The following CGGBP1 variants were observed in gnomAD, a reference collection of about 807,000 sequenced individuals.
CGGBP1 encodes CGG triplet repeat-binding protein 1.
Under a neutral mutation model 11.4 loss-of-function variants are expected in CGGBP1, and 4 were observed. That is an observed-to-expected ratio of 0.35 (90% confidence interval 0.17 to 0.80). The LOEUF (loss-of-function observed/expected upper bound fraction) is 0.80, where lower values mean the gene tolerates loss of function less well. Ranked by LOEUF, CGGBP1 falls within the 30% of genes least tolerant of loss-of-function variation. CGGBP1 has a pLI of 0.52. For synonymous variants in CGGBP1, 76 were observed against 74.1 expected (o/e 1.03, Z -0.13); for missense variants, 135 against 202.1 (o/e 0.67, Z 2.01).
chr3:88,075,443 GTAT>G (rs1403717492), intron 2 of CGGBP1, among the ~76,000 whole-genome samples: 1 of 152,084 alleles, frequency 6.6e-6, no homozygotes, highest in African/African-American at 2.4e-5. Flanking sequence ...CCTCATATTT[GTAT>G]TATTTGGATA....
chr3:88,117,021 T>C (rs1162734924), intron 2 of CGGBP1, among the ~76,000 whole-genome samples: 1 of 152,164 alleles, frequency 6.6e-6, no homozygotes, highest in Non-Finnish European at 1.5e-5. Context: ...TGTTACGTTT[T>C]TGCTGAGGTT....
At chr3:88,130,067 A>C (rs1369827746) in intron 2 of CGGBP1, among the ~76,000 whole-genome samples, 1 of 152,220 alleles carries the variant, frequency 6.6e-6, no homozygotes, top group Non-Finnish European at 1.5e-5. Flanking sequence ...GTGGTTTGAA[A>C]TTAAATTTTA....
At chr3:88,070,940 A>C (rs1707476455) in intron 2 of CGGBP1, among the ~76,000 whole-genome samples, 1 of 152,152 alleles carries the variant, frequency 6.6e-6, no homozygotes, top group Non-Finnish European at 1.5e-5. Flanking sequence ...ATATTATCCA[A>C]ATTTAATATA....
chr3:88,066,144 G>C (rs1314447583), intron 2 of CGGBP1, among the ~76,000 whole-genome samples: 1 of 152,150 alleles, frequency 6.6e-6, no homozygotes, highest in Non-Finnish European at 1.5e-5. Context: ...AAATGAATTG[G>C]TTAAATAAAC....
At chr3:88,123,960 C>T (rs929069291) in intron 2 of CGGBP1, among the ~76,000 whole-genome samples, 1 of 152,042 alleles carries the variant, frequency 6.6e-6, no homozygotes, top group African/African-American at 2.4e-5. Context: ...GAAGCTGTTC[C>T]CAAGAATCAT....
At chr3:88,105,123 A>C (rs1323155966) in intron 2 of CGGBP1, among the ~76,000 whole-genome samples, 1 of 152,246 alleles carries the variant, frequency 6.6e-6, no homozygotes, top group Non-Finnish European at 1.5e-5. Context: ...TGAGCAAGAG[A>C]GCAAGACTCC....
chr3:88,113,890 T>G (rs188797470), intron 2 of CGGBP1, among the ~76,000 whole-genome samples: 13 of 152,314 alleles, frequency 8.5e-5, no homozygotes, highest in Admixed American at 7.8e-4. Context: ...AGGTACGTTA[T>G]ATTGAACATT....
At chr3:88,057,757 T>G (rs774755766) in intron 2 of CGGBP1, 3 of 152,268 alleles carry the variant, frequency 2.0e-5, no homozygotes, top group Non-Finnish European at 4.4e-5. Context: ...CAATCATTTG[T>G]GCTAATGTGA....
At chr3:88,092,712 TTA>T (rs1304565941) in intron 2 of CGGBP1, among the ~76,000 whole-genome samples, 3 of 152,316 alleles carry the variant, frequency 2.0e-5, no homozygotes, top group East Asian at 1.9e-4. Context: ...TTTAAGGAGA[TTA>T]TGTCTTTTAT....
At chr3:88,115,004 C>G (rs1469453501) in intron 2 of CGGBP1, among the ~76,000 whole-genome samples, 1 of 152,196 alleles carries the variant, frequency 6.6e-6, no homozygotes, top group Non-Finnish European at 1.5e-5. Context: ...CGCAGTGGTT[C>G]TTCTCCATAC....
chr3:88,120,625 A>T (rs1705708906), intron 2 of CGGBP1, among the ~76,000 whole-genome samples: 2 of 152,122 alleles, frequency 1.3e-5, no homozygotes, highest in African/African-American at 4.8e-5. Context: ...AATACCTAAG[A>T]CCAGGGTCTC....
intron 2 of CGGBP1, among the ~76,000 whole-genome samples, chr3:88,122,286 A>G (rs1394691422): frequency 1.3e-5 from 2 of 152,204 alleles, no homozygotes; most frequent in African/African-American, 4.8e-5. Context: ...AGAAAAGAAT[A>G]CATGATGTGC....
At position 88,054,813 on chromosome 3, in the gene CGGBP1, T is replaced by C. The variant is rs1223683447; in HGVS notation, c.*660A>G. On this transcript the variant is annotated 3_prime_UTR_variant, in exon 4 of 4. Coordinates refer to ENST00000482016, the MANE Select transcript of CGGBP1 (RefSeq NM_001008390.2). ...GCAAAATTCCCCTTGGCTTTTGGCA[T>C]TGACGTTGAAAGATTTTAGTCTTTT... is the stretch of plus-strand genomic sequence containing the variant. 4 of 152,758 alleles carry C rather than the reference T, an allele frequency of 2.6e-5. No homozygotes were observed. Among genetic ancestry groups the C allele is most frequent in the East Asian group, 1.9e-4 (1 of 5,188 alleles). The allele number at this position is 152,758 out of a possible 1,614,324, so 9.5% of individuals were successfully genotyped here. A position where few individuals can be genotyped will look rare whatever the true frequency, so the allele number is the denominator to read the frequency against.
In CGGBP1 at chr3:88,109,075, G is replaced by A. The variant is rs150586785; in HGVS notation, c.-229+31895C>T. Among the ~76,000 whole-genome samples the A allele has an allele frequency of 2.6e-3, 393 of 151,686 alleles. 1 individual carries two copies. Among genetic ancestry groups the A allele is most frequent in the African/African-American group, 8.9e-3 (369 of 41,416 alleles). On this transcript the variant is annotated intron_variant, in intron 2 of 3. Coordinates refer to the CGGBP1 transcript ENST00000462901. ...ATGAAAATTGGGTTAGGTGCTATCC[G>A]TGGTTTCAAGCATCCAGTGGGAGGG...
intron 2 of CGGBP1, among the ~76,000 whole-genome samples, chr3:88,116,835 T>TTCTTC (rs1705438532): frequency 6.6e-6 from 1 of 152,126 alleles, no homozygotes; most frequent in South Asian, 2.1e-4. Context: ...GTAAACTTTC[T>TTCTTC]TCTTCTCTCT....
At chr3:88,107,916 GACTA>G (rs1389146638) in intron 2 of CGGBP1, among the ~76,000 whole-genome samples, 1 of 151,948 alleles carries the variant, frequency 6.6e-6, no homozygotes. Flanking sequence ...AAGTCTCTGT[GACTA>G]ACGTTCTTTT....
At chr3:88,129,067 C>CAAA in intron 2 of CGGBP1, 2 of 1,036,172 alleles carry the variant, frequency 1.9e-6, no homozygotes, top group Non-Finnish European at 2.6e-6. Context: ...AAAAAAAAAC[C>CAAA]AAAAAAAAAA....
rs199833348 is a variant in CGGBP1 at position 88,134,383 on chromosome 3, G to A, written c.-229+6587C>T. Among the ~76,000 whole-genome samples the A allele has an allele frequency of 3.3e-5, 5 of 152,022 alleles. No homozygotes were observed. The East Asian group carries it at 9.7e-4, about 29-fold the overall frequency. On this transcript the variant is annotated intron_variant, in intron 2 of 3. Transcript: ENST00000462901. ...GATGCTTTGTACACTTTTATGACAT[G>A]TTTTAAAGAATTCTAATTTGCTAAA...
intron 2 of CGGBP1, among the ~76,000 whole-genome samples, chr3:88,080,814 A>G (rs1328537542): frequency 6.6e-6 from 1 of 152,252 alleles, no homozygotes; most frequent in Middle Eastern, 3.2e-3. Context: ...GTTGGAACAG[A>G]CAGATTTGTT....
Sources: gnomAD v4.1 joint callset for allele counts (sites outside exome capture counted in the v4.1 genomes callset) on GRCh38, gnomAD v4.1.1 for gene constraint, MANE v1.5 for transcripts, NCBI Gene and HGNC (gene_info 2026-07-23, HGNC 2026-07-21) for gene names.